The following ANKRD13D variants were observed in gnomAD, a reference collection of about 807,000 sequenced individuals.
ANKRD13D encodes ankyrin repeat domain-containing protein 13D.
In ANKRD13D, 24 loss-of-function variants were observed where a neutral mutation model predicts 68.8. That is an observed-to-expected ratio of 0.35 (90% confidence interval 0.25 to 0.49). The LOEUF is 0.49. Ranked by LOEUF, ANKRD13D falls within the 20% of genes least tolerant of loss-of-function variation. ANKRD13D has a pLI of 0.99. For missense variants in ANKRD13D, 735 were observed against 832.1 expected (o/e 0.88, Z 1.44); for synonymous variants, 331 against 336.1 (o/e 0.98, Z 0.16).
chr11:67,297,525 GGT>G (rs1860801746), intron 6 of ANKRD13D, among the ~76,000 whole-genome samples: 1 of 71,902 alleles, frequency 1.4e-5, no homozygotes, highest in African/African-American at 3.4e-5. Context: ...TAAGTTTTTT[GGT>G]TTTTTTTTTT....
At position 67,292,063 on chromosome 11, in the gene ANKRD13D, T is replaced by G. The variant is rs1565076221; in HGVS notation, c.614T>G (p.Leu205Arg). Residue 205 changes from leucine (L) to arginine (R), a missense_variant, in exon 6 of 15, where the codon CTG (leucine) becomes CGG (arginine). Leu to Arg is a moderately radical substitution (Grantham distance 102). Coordinates refer to ENST00000511455, the MANE Select transcript of ANKRD13D (RefSeq NM_207354.3). The part of the protein sequence containing the change: ...VVHVETLGLT[L>R]QEPETLLAAM... ...CATGTGGAGACACTGGGGCTCACTCTGCAGGAGCCCGAAACACTGCTGGCC... is the reference window on the plus strand; with the variant it reads ...CATGTGGAGACACTGGGGCTCACTCGGCAGGAGCCCGAAACACTGCTGGCC... 1.2e-6 allele frequency: 2 copies of G among 1,610,612 alleles called. No homozygotes were observed. Among genetic ancestry groups the G allele is most frequent in the Non-Finnish European group, 1.7e-6 (2 of 1,177,748 alleles).
chr11:67,299,718 C>T lies in ANKRD13D; in HGVS notation c.880+107C>T. ...CCCAGGATGAGCTGGGAGGCCTCCC[C>T]ATTCCCGTCTGACCCCTCTTCCCCC... On this transcript the variant is annotated intron_variant, in intron 8 of 14. Coordinates refer to ENST00000511455, the MANE Select transcript of ANKRD13D (RefSeq NM_207354.3). This position sits in a 1 kb window ranked among gnomAD's most constrained non-coding sequence, Gnocchi z 6.2. 1 of 1,527,770 alleles carries T rather than the reference C, an allele frequency of 6.5e-7. No homozygotes were observed. The highest frequency in any genetic ancestry group is 1.4e-5 in the African/African-American group (1 of 73,190). 94.6% of individuals were successfully genotyped at this position (1,527,770 alleles called of 1,614,324 possible).
At chr11:67,289,842 C>T (rs1233158923) in intron 1 of ANKRD13D, 2 of 1,425,560 alleles carry the variant, frequency 1.4e-6, no homozygotes, top group African/African-American at 1.4e-5. Context: ...CCGCCAAACT[C>T]CTGACAACCT....
At chr11:67,292,261 G>A in intron 6 of ANKRD13D, 81 bp downstream of exon 6, 1 of 1,437,156 alleles carries the variant, frequency 7.0e-7, no homozygotes, top group Non-Finnish European at 9.3e-7. Context: ...GGCGATCCTT[G>A]AAGATCCTGG....
Position 67,300,190 on chromosome 11 carries a change from C to T in ANKRD13D, c.1073+67C>T. The T allele has an allele frequency of 6.3e-7, 1 of 1,598,920 alleles. No individual in the cohort carries two copies. The highest frequency in any genetic ancestry group is 8.5e-7 in the Non-Finnish European group (1 of 1,171,238). ...GGCTCTTGCAGACCCCTCTCTGGGC[C>T]TGTCATAGTTAGGGACCCACTCCCT... On this transcript the variant is annotated intron_variant, in intron 10 of 14. Coordinates refer to ENST00000511455, the MANE Select transcript of ANKRD13D (RefSeq NM_207354.3). This position sits in a 1 kb window ranked among gnomAD's most constrained non-coding sequence, Gnocchi z 4.3.
At chr11:67,293,596 G>A (rs1860660773) in intron 6 of ANKRD13D, among the ~76,000 whole-genome samples, 1 of 152,144 alleles carries the variant, frequency 6.6e-6, no homozygotes, top group African/African-American at 2.4e-5. Context: ...CCACCTCCCA[G>A]GCTCAAGTGA....
rs2134738629 is a variant in ANKRD13D, at chr11:67,299,807, C to T, written c.881-20C>T. The T allele has an allele frequency of 6.5e-7, 1 of 1,532,458 alleles. No individual in the cohort carries two copies. The highest frequency in any genetic ancestry group is 8.8e-7 in the Non-Finnish European group (1 of 1,139,548). 94.9% of individuals were successfully genotyped at this position (1,532,458 alleles called of 1,614,324 possible). ...TGCGAGCATTGTGACCCCTTACCAGCTCCCACCCCTTCTCCGTAGCGGGGA... is the reference window on the plus strand; with the variant it reads ...TGCGAGCATTGTGACCCCTTACCAGTTCCCACCCCTTCTCCGTAGCGGGGA... On this transcript the variant is annotated intron_variant, in intron 8 of 14. Transcript: ENST00000511455. This position sits in a 1 kb window ranked among gnomAD's most constrained non-coding sequence, Gnocchi z 6.2.
Position 67,292,160 on chromosome 11 carries a change from T to G in ANKRD13D, c.711T>G (p.Thr237=), listed in dbSNP as rs1860586957. ...CTATCGTCTCCACCCACCTGGACAC[T>G]CGTAATGTGGCCTTTGAGAGGTCGG... The part of the protein sequence containing the change: ...TSPIVSTHLD[T]RNVAFERNKC... Residue 237 remains threonine (T), a synonymous_variant, in exon 6 of 15, where the codon ACT becomes ACG. Coordinates refer to ENST00000511455, the MANE Select transcript of ANKRD13D (RefSeq NM_207354.3). 1.3e-6 allele frequency: 2 copies of G among 1,596,620 alleles called. No individual in the cohort carries two copies. The highest frequency in any genetic ancestry group is 1.7e-5 in the Admixed American group (1 of 59,032).
In ANKRD13D at chr11:67,299,143, G is replaced by C. The variant is rs754739525; in HGVS notation, c.798+19G>C. On this transcript the variant is annotated intron_variant, in intron 7 of 14. Coordinates refer to ENST00000511455, the MANE Select transcript of ANKRD13D (RefSeq NM_207354.3). The surrounding 1 kb of genome is among the most constrained non-coding windows in gnomAD (Gnocchi z 6.2). ...GGCCAAGGCAGGAGAGGCTAGGGGTGGGGGGCTGGGGGTAGGAGATGAGGT... is the reference window on the plus strand; with the variant it reads ...GGCCAAGGCAGGAGAGGCTAGGGGTCGGGGGCTGGGGGTAGGAGATGAGGT... 7.5e-6 allele frequency: 12 copies of C among 1,599,694 alleles called. No individual in the cohort carries two copies. The highest frequency in any genetic ancestry group is 2.2e-5 in the East Asian group (1 of 44,832).
In ANKRD13D at chr11:67,302,447, G is replaced by A. The variant is rs1861053956; in HGVS notation, c.*115G>A. The A allele has an allele frequency of 7.3e-6, 10 of 1,377,460 alleles. No individual in the cohort carries two copies. In the South Asian group the frequency reaches 1.6e-4, roughly 22 times the overall value. 85.3% of individuals were successfully genotyped at this position (1,377,460 alleles called of 1,614,324 possible). ...CTGGAGCCCCAGGAATGAGCAGGCA[G>A]GGGAGACTGAGATGGAAATAAAGAG... On this transcript the variant is annotated 3_prime_UTR_variant, in exon 15 of 15. Coordinates refer to ENST00000511455, the MANE Select transcript of ANKRD13D (RefSeq NM_207354.3).
intron 6 of ANKRD13D, chr11:67,298,056 C>CTTTTTTTTTTTTTTT (rs200939455): frequency 7.7e-6 from 1 of 130,000 alleles, no homozygotes; most frequent in African/African-American, 3.8e-5. Flanking sequence ...TTGAGGTTTT[C>CTTTTTTTTTTTTTTT]TTTTTTTTTT....
At chr11:67,290,630 G>A (rs774706643) in intron 3 of ANKRD13D, 184 bp downstream of exon 3, 17 of 957,838 alleles carry the variant, frequency 1.8e-5, no homozygotes, top group South Asian at 5.4e-5. Flanking sequence ...CCAGGCTCAC[G>A]TGGGAGAGAC....
intron 5 of ANKRD13D, 44 bp from the exon 6 acceptor site, chr11:67,291,947 A>G (rs1428042574): frequency 6.5e-7 from 1 of 1,541,388 alleles, no homozygotes; most frequent in Non-Finnish European, 8.7e-7. Context: ...GCTGGCGCCC[A>G]GCACTGATTT....
At chr11:67,294,695 C>T in intron 6 of ANKRD13D, among the ~76,000 whole-genome samples, 1 of 152,058 alleles carries the variant, frequency 6.6e-6, no homozygotes, top group Non-Finnish European at 1.5e-5. Flanking sequence ...TGCCCACCAC[C>T]ACTCCTTGCT....
Position 67,300,816 on chromosome 11 carries a change from C to T in ANKRD13D, c.1074-174C>T, listed in dbSNP as rs1364160166. 2.6e-6 allele frequency: 2 copies of T among 760,268 alleles called. No individual in the cohort carries two copies. The highest frequency in any genetic ancestry group is 5.5e-5 in the East Asian group (2 of 36,066). 47.1% of individuals were successfully genotyped at this position (760,268 alleles called of 1,614,324 possible). A position where few individuals can be genotyped will look rare whatever the true frequency, so the allele number is the denominator to read the frequency against. On this transcript the variant is annotated intron_variant, in intron 10 of 14. Coordinates refer to ENST00000511455, the MANE Select transcript of ANKRD13D (RefSeq NM_207354.3). The surrounding 1 kb of genome is among the most constrained non-coding windows in gnomAD (Gnocchi z 4.3). ...GCCCAGGGAGGAGGGCAGCTTGGGC[C>T]ACGTGGCCAGGACACCAGCTCCCGG...
Position 67,289,436 on chromosome 11 carries a change from C to A in ANKRD13D, c.-25C>A. On this transcript the variant is annotated 5_prime_UTR_variant, in exon 1 of 15. Transcript: ENST00000511455. Reference sequence around the variant, plus strand: ...TGCCAGGCCCGAAGCCGAGGCGGGGCCGGGATGCGGCGCTGAGGCCCAGCA... The same window carrying A: ...TGCCAGGCCCGAAGCCGAGGCGGGGACGGGATGCGGCGCTGAGGCCCAGCA... 7.1e-7 allele frequency: 1 copy of A among 1,403,542 alleles called. No individual in the cohort carries two copies. The highest frequency in any genetic ancestry group is 1.4e-5 in the South Asian group (1 of 70,040). The allele number at this position is 1,403,542 out of a possible 1,614,324, so 86.9% of individuals were successfully genotyped here.
intron 3 of ANKRD13D, 47 bp from the exon 4 acceptor site, chr11:67,291,429 A>G: frequency 2.5e-6 from 4 of 1,586,150 alleles, no homozygotes; most frequent in Non-Finnish European, 3.4e-6. Flanking sequence ...GGCCTGCTGG[A>G]GCCAGCAGCA....
At position 67,301,847 on chromosome 11, in the gene ANKRD13D, G is replaced by A; in HGVS notation, c.1604+24G>A. 6.4e-7 allele frequency: 1 copy of A among 1,566,858 alleles called. No homozygotes were observed. Among genetic ancestry groups the A allele is most frequent in the Non-Finnish European group, 8.7e-7 (1 of 1,155,840 alleles). On this transcript the variant is annotated intron_variant, in intron 14 of 14. Coordinates refer to ENST00000511455, the MANE Select transcript of ANKRD13D (RefSeq NM_207354.3). The surrounding 1 kb of genome is among the most constrained non-coding windows in gnomAD (Gnocchi z 4.5). ...CGGTGAGCCCCTCATGGGGCTGGCT[G>A]GGTCCCTGTCCCCCCAGCCCTGGCT...
At chr11:67,292,396 T>G (rs1590865840) in intron 6 of ANKRD13D, among the ~76,000 whole-genome samples, 1 of 152,116 alleles carries the variant, frequency 6.6e-6, no homozygotes, top group Non-Finnish European at 1.5e-5. Context: ...AGGGGTCAGG[T>G]CAAGATGTCC....
Sources: allele counts gnomAD v4.1 joint callset (sites outside exome capture counted in the v4.1 genomes callset), GRCh38; gene constraint gnomAD v4.1.1; non-coding constraint Gnocchi (gnomAD v3.1); transcripts MANE v1.5; gene names NCBI Gene and HGNC (gene_info 2026-07-23, HGNC 2026-07-21).